Variants in COL22A1 observed in about 807,000 individuals in gnomAD.
The protein encoded by COL22A1 is collagen alpha-1(XXII) chain.
Under a neutral mutation model 248.9 loss-of-function variants are expected in COL22A1, and 221 were observed. The observed-to-expected ratio is 0.89, with a 90% CI of 0.80 to 0.99. The LOEUF (loss-of-function observed/expected upper bound fraction) is 0.99. COL22A1 is among the 50% of genes least tolerant of loss of function. The probability of loss-of-function intolerance (pLI) is 0.00; values close to 1 mark genes in which losing one functional copy is unlikely to be tolerated. For missense variants in COL22A1, 2,240 were observed against 2,179.0 expected (o/e 1.03, Z -0.56); for synonymous variants, 891 against 793.4 (o/e 1.12, Z -2.07).
intron 55 of COL22A1, 62 bp from the exon 56 acceptor site, chr8:138,613,982 C>T: frequency 7.5e-7 from 1 of 1,341,906 alleles, no homozygotes; most frequent in Non-Finnish European, 1.1e-6. Flanking sequence ...GATGGCATCC[C>T]AATTTCAAAT....
chr8:138,664,145 C>T lies in COL22A1; in HGVS notation c.3151-405G>A, dbSNP rs567856560. Among the ~76,000 whole-genome samples the T allele has an allele frequency of 7.4e-5, 11 of 149,224 alleles. No homozygotes were observed. The South Asian group carries it at 1.5e-3, about 21-fold the overall frequency. ...TAACGACCACATTCCCCAGCCATAG[C>T]GCTAGTGTCTGAGGCTGCAGTAGTC... On this transcript the variant is annotated intron_variant, in intron 41 of 64. Coordinates refer to ENST00000303045, the MANE Select transcript of COL22A1 (RefSeq NM_152888.3).
At chr8:138,765,783 A>C (rs1833867406) in intron 16 of COL22A1, among the ~76,000 whole-genome samples, 1 of 152,168 alleles carries the variant, frequency 6.6e-6, no homozygotes, top group Non-Finnish European at 1.5e-5. Context: ...TTGTGCCCAG[A>C]GAGAGAAAGA....
intron 39 of COL22A1, among the ~76,000 whole-genome samples, chr8:138,684,001 C>T (rs1241417096): frequency 6.6e-6 from 1 of 152,120 alleles, no homozygotes; most frequent in Non-Finnish European, 1.5e-5. Context: ...TTCTCTCACA[C>T]CTGTAATCCC....
chr8:138,636,015 A>G (rs1237966348), intron 48 of COL22A1, among the ~76,000 whole-genome samples: 2 of 152,184 alleles, frequency 1.3e-5, no homozygotes, highest in Admixed American at 6.5e-5. Context: ...TTGGCTGACA[A>G]TGAGCACTGG....
At chr8:138,618,146 T>G (rs745818710) in intron 53 of COL22A1, among the ~76,000 whole-genome samples, 1 of 152,162 alleles carries the variant, frequency 6.6e-6, no homozygotes, top group Admixed American at 6.5e-5. Context: ...ACGACCACTC[T>G]GCAAGAATGG....
chr8:138,892,049 T>C (rs1475519425), intron 1 of COL22A1, among the ~76,000 whole-genome samples: 1 of 152,216 alleles, frequency 6.6e-6, no homozygotes, highest in Non-Finnish European at 1.5e-5. Flanking sequence ...GCTAATATTT[T>C]GTTGAGGATC....
At chr8:138,831,547 TC>T (rs1259305265) in intron 5 of COL22A1, among the ~76,000 whole-genome samples, 1 of 152,114 alleles carries the variant, frequency 6.6e-6, no homozygotes, top group Non-Finnish European at 1.5e-5. Context: ...AAGGAAGGCA[TC>T]TAGAGAGCAT....
rs561031598 is a variant in COL22A1, at chr8:138,708,435, G to A, written c.2518-5088C>T. Among the ~76,000 whole-genome samples, 828 of 152,126 alleles carry A rather than the reference G, an allele frequency of 5.4e-3. 6 individuals carry two copies. The highest frequency in any genetic ancestry group is 0.019 in the African/African-American group (790 of 41,524). On this transcript the variant is annotated intron_variant, in intron 30 of 64. Coordinates refer to ENST00000303045, the MANE Select transcript of COL22A1 (RefSeq NM_152888.3). ...AACAGCATGGTACTGGTACCAAAAC[G>A]GAGATATAGACCAATGGAACAGAAC...
At chr8:138,866,252 C>A (rs1586920793) in intron 3 of COL22A1, among the ~76,000 whole-genome samples, 1 of 152,198 alleles carries the variant, frequency 6.6e-6, no homozygotes, top group South Asian at 2.1e-4. Flanking sequence ...CATCGCATAA[C>A]CCCGTATCCC....
At chr8:138,905,941 T>A (rs945235347) in intron 1 of COL22A1, among the ~76,000 whole-genome samples, 5 of 152,188 alleles carry the variant, frequency 3.3e-5, no homozygotes, top group African/African-American at 1.2e-4. Context: ...AGACTCCTAT[T>A]CATCCTTCAA....
At chr8:138,598,511 C>G (rs997260039) in intron 61 of COL22A1, among the ~76,000 whole-genome samples, 3 of 152,220 alleles carry the variant, frequency 2.0e-5, no homozygotes. Context: ...TTCACTTGAT[C>G]ATCATAAATC....
chr8:138,819,056 C>T (rs1193920780), intron 7 of COL22A1, among the ~76,000 whole-genome samples: 1 of 152,158 alleles, frequency 6.6e-6, no homozygotes, highest in African/African-American at 2.4e-5. Flanking sequence ...CTCCCCACTA[C>T]CCCTGACCAA....
intron 37 of COL22A1, 79 bp from the exon 38 acceptor site, chr8:138,685,391 G>T: frequency 8.7e-7 from 1 of 1,153,102 alleles, no homozygotes; most frequent in Non-Finnish European, 1.3e-6. Flanking sequence ...GCTTGAGTAG[G>T]TTTGTAGGTT....
At chr8:138,678,132 G>T (rs573094110) in intron 40 of COL22A1, among the ~76,000 whole-genome samples, 9 of 152,116 alleles carry the variant, frequency 5.9e-5, no homozygotes, top group Non-Finnish European at 1.2e-4. Flanking sequence ...TTCAACTAAT[G>T]CTTATTCATT....
Position 138,811,880 on chromosome 8 carries a change from T to A in COL22A1, c.1368A>T (p.Pro456=). The change falls in exon 9 of 65, where the codon CCA becomes CCT. Residue 456 remains proline, a synonymous_variant. Transcript: ENST00000303045. ...TVVTEPPPPP[P]PQRPPTPGSE... is the part of the protein sequence containing the mutation. Reference sequence around the variant, plus strand: ...TGCCTGGGGTGGGAGGCCGCTGGGGTGGGGGTGGAGGTGGAGGCTCTGTCA... The same window carrying A: ...TGCCTGGGGTGGGAGGCCGCTGGGGAGGGGGTGGAGGTGGAGGCTCTGTCA... 9.7e-6 allele frequency: 4 copies of A among 412,530 alleles called. No homozygotes were observed. Among genetic ancestry groups the A allele is most frequent in the Non-Finnish European group, 1.5e-5 (4 of 270,226 alleles). 25.6% of individuals were successfully genotyped at this position (412,530 alleles called of 1,614,324 possible).
rs180821077 is a variant in COL22A1, at chr8:138,707,874, T to C, written c.2518-4527A>G. Among the ~76,000 whole-genome samples the C allele has an allele frequency of 6.7e-3, 1,024 of 152,304 alleles. 11 individuals are homozygous for C. Among genetic ancestry groups the C allele is most frequent in the African/African-American group, 0.024 (983 of 41,558 alleles). ...CCTGTTTGCAGATGACATGATTGTA[T>C]ATTTAGAAAACCCCATCATCTCAGC... is the stretch of plus-strand genomic sequence containing the variant. On this transcript the variant is annotated intron_variant, in intron 30 of 64. Coordinates refer to ENST00000303045, the MANE Select transcript of COL22A1 (RefSeq NM_152888.3).
At chr8:138,772,720 G>A (rs1195456539) in intron 16 of COL22A1, among the ~76,000 whole-genome samples, 1 of 152,190 alleles carries the variant, frequency 6.6e-6, no homozygotes, top group African/African-American at 2.4e-5. Flanking sequence ...TATTAGCCAG[G>A]TGTGGTGGCG....
intron 22 of COL22A1, among the ~76,000 whole-genome samples, chr8:138,739,472 G>A (rs1302378997): frequency 2.0e-5 from 3 of 152,180 alleles, no homozygotes; most frequent in Non-Finnish European, 4.4e-5. Context: ...GTCCCACTGT[G>A]TCTTCTCACG....
At chr8:138,838,633 A>C (rs1820615794) in intron 4 of COL22A1, among the ~76,000 whole-genome samples, 1 of 151,804 alleles carries the variant, frequency 6.6e-6, no homozygotes, top group African/African-American at 2.4e-5. Flanking sequence ...CAAAACTTGG[A>C]ACAACAAGGA....
Sources: gnomAD v4.1 joint callset for allele counts (sites outside exome capture counted in the v4.1 genomes callset) on GRCh38, gnomAD v4.1.1 for gene constraint, MANE v1.5 for transcripts, NCBI Gene and HGNC (gene_info 2026-07-23, HGNC 2026-07-21) for gene names.